The following COL4A3 variants were observed in gnomAD, a reference collection of about 807,000 sequenced individuals.
COL4A3 encodes collagen type IV alpha 3 chain, also known as collagen alpha-3(IV) chain.
A neutral mutation model predicts 217.4 loss-of-function variants in COL4A3; 135 were observed. The observed-to-expected ratio is 0.62, with a 90% confidence interval of 0.54 to 0.72. COL4A3 has a LOEUF of 0.72. COL4A3 is among the 30% of genes least tolerant of loss of function. The pLI, the probability that COL4A3 is intolerant of heterozygous loss-of-function variation, is 0.00. For missense variants in COL4A3, 1,868 were observed against 2,119.9 expected, an observed-to-expected ratio of 0.88 and a Z score of 2.33; for synonymous variants, 690 against 736.3, an observed-to-expected ratio of 0.94 and a Z score of 1.02.
chr2:227,273,971 T>C (rs929655997), intron 26 of COL4A3, among the ~76,000 whole-genome samples: 4 of 152,110 alleles, frequency 2.6e-5, no homozygotes, highest in African/African-American at 9.7e-5. Flanking sequence ...GCACAGTGAC[T>C]CACACCTGTA....
chr2:227,258,340 T>G (rs761679508), intron 18 of COL4A3, among the ~76,000 whole-genome samples: 8 of 152,134 alleles, frequency 5.3e-5, no homozygotes, highest in Admixed American at 3.9e-4. Context: ...AAAATGCAGT[T>G]CTCAGACCCC....
At chr2:227,179,240 C>T (rs531097028) in intron 1 of COL4A3, among the ~76,000 whole-genome samples, 7 of 152,260 alleles carry the variant, frequency 4.6e-5, no homozygotes, top group East Asian at 3.9e-4. Context: ...CATGAGACAT[C>T]GTGCCTGGCC....
intron 1 of COL4A3, among the ~76,000 whole-genome samples, chr2:227,207,669 A>G (rs1269922825): frequency 2.6e-5 from 4 of 152,182 alleles, no homozygotes; most frequent in Non-Finnish European, 5.9e-5. Context: ...TCTACCGGGC[A>G]TTGGAGCTGG....
At chr2:227,295,853 T>G (rs1344659515) in intron 41 of COL4A3, among the ~76,000 whole-genome samples, 2 of 152,214 alleles carry the variant, frequency 1.3e-5, no homozygotes, top group Non-Finnish European at 2.9e-5. Flanking sequence ...AGTTTTTTGT[T>G]TGGCAGGCCA....
At position 227,270,816 on chromosome 2, in the gene COL4A3, G is replaced by C. The variant is rs1288801444; in HGVS notation, c.1622G>C (p.Gly541Ala). 3 of 1,614,054 alleles carry C rather than the reference G, an allele frequency of 1.9e-6. No individual in the cohort carries two copies. The Admixed American group carries it at 5.0e-5, about 27-fold the overall frequency. ...QGDPGLKGEK[G>A]ETLQPEGQVG... Reference sequence around the variant, plus strand: ...GACCCAGGACTTAAAGGAGAAAAAGGTGAAACACTTCAGCCTGAGGGGCAA... The same window carrying C: ...GACCCAGGACTTAAAGGAGAAAAAGCTGAAACACTTCAGCCTGAGGGGCAA... Residue 541 changes from glycine to alanine, a missense_variant, in exon 25 of 52, where the codon GGT (glycine) becomes GCT (alanine). Gly to Ala is a moderately conservative substitution (Grantham distance 60). This residue lies in a region of COL4A3 where 1,503 missense variants were observed against 1,786.1 expected (regional missense o/e 0.84). Transcript: ENST00000396578.
intron 1 of COL4A3, among the ~76,000 whole-genome samples, chr2:227,194,188 A>G (rs1367148572): frequency 2.0e-5 from 3 of 152,336 alleles, no homozygotes; most frequent in Non-Finnish European, 1.5e-5. Flanking sequence ...CATCCCAATA[A>G]GAAACCCACG....
chr2:227,209,111 A>G (rs932758401), intron 1 of COL4A3, among the ~76,000 whole-genome samples: 3 of 152,214 alleles, frequency 2.0e-5, no homozygotes, highest in African/African-American at 7.2e-5. Flanking sequence ...ATGACTTGAG[A>G]AAAAGTGGCT....
At chr2:227,240,718 C>T (rs988537474) in intron 3 of COL4A3, among the ~76,000 whole-genome samples, 1 of 152,174 alleles carries the variant, frequency 6.6e-6, no homozygotes, top group African/African-American at 2.4e-5. Flanking sequence ...TCTTTTAGGT[C>T]TTGTGACCAA....
Position 227,185,548 on chromosome 2 carries a change from A to G in COL4A3, c.87+20735A>G, listed in dbSNP as rs553617775. On this transcript the variant is annotated intron_variant, in intron 1 of 51. Coordinates refer to ENST00000396578, the MANE Select transcript of COL4A3 (RefSeq NM_000091.5). ...ACTGTAGGTTTAAGATAGTGTGTTC[A>G]TCTTCATATATAAAGAGAATATCTA... Among the ~76,000 whole-genome samples, 13 of 152,350 alleles carry G rather than the reference A, an allele frequency of 8.5e-5. No homozygotes were observed. In the East Asian group the frequency reaches 2.5e-3, roughly 29 times the overall value.
At chr2:227,193,935 TAAGGAGAG>T (rs2066362039) in intron 1 of COL4A3, among the ~76,000 whole-genome samples, 1 of 3,308 alleles carries the variant, frequency 3.0e-4, no homozygotes, top group African/African-American at 1.7e-3. Context: ...AGAAGGGAAA[TAAGGAGAG>T]AGGGAGGGAG....
intron 1 of COL4A3, among the ~76,000 whole-genome samples, chr2:227,235,662 C>T (rs1233996013): frequency 6.6e-6 from 1 of 152,082 alleles, no homozygotes; most frequent in African/African-American, 2.4e-5. Context: ...GCTTAGTTCC[C>T]ACTGCTAAGT....
intron 1 of COL4A3, among the ~76,000 whole-genome samples, chr2:227,195,854 G>A (rs2066453920): frequency 6.6e-6 from 1 of 151,756 alleles, no homozygotes; most frequent in South Asian, 2.1e-4. Flanking sequence ...TAGTATTGAT[G>A]ATCCCGACCG....
intron 43 of COL4A3, among the ~76,000 whole-genome samples, chr2:227,299,531 T>C (rs2106254803): frequency 6.6e-6 from 1 of 152,308 alleles, no homozygotes; most frequent in Admixed American, 6.5e-5. Flanking sequence ...TTATAGGAAC[T>C]ACAATTCAAG....
intron 11 of COL4A3, 96 bp downstream of exon 11, chr2:227,251,467 C>T (rs1559867271): frequency 8.7e-7 from 1 of 1,152,752 alleles, no homozygotes; most frequent in African/African-American, 1.5e-5. Flanking sequence ...CTGTTAGGCA[C>T]CTCTCTGGAA....
rs2072647561 is a variant in COL4A3 at position 227,290,792 on chromosome 2, G to A, written c.3116G>A (p.Gly1039Glu). The A allele has an allele frequency of 6.2e-7, 1 of 1,613,660 alleles. No individual in the cohort carries two copies. The highest frequency in any genetic ancestry group is 8.5e-7 in the Non-Finnish European group (1 of 1,179,930). Residue 1039 changes from glycine to glutamate, a missense_variant, in exon 37 of 52, where the codon GGA (glycine) becomes GAA (glutamate). Gly to Glu is a moderately conservative substitution (Grantham distance 98, BLOSUM62 -2). Around this residue, in one of 2 missense-constraint regions of COL4A3, gnomAD observed 1,503 missense variants for 1,786.1 expected, o/e 0.84. Transcript: ENST00000396578. ...RGTLGFPGRA[G>E]RPGLPGIHGL... ...ACTTTGGGATTCCCAGGTCGAGCAG[G>A]AAGACCAGGCCTCCCAGGTATTCAT...
chr2:227,276,310 T>A, intron 26 of COL4A3, 75 bp from the exon 27 acceptor site: 1 of 1,092,338 alleles, frequency 9.2e-7, no homozygotes, highest in Non-Finnish European at 1.4e-6. Flanking sequence ...AAACCCTTTA[T>A]AATCGTATTT....
At chr2:227,238,548 A>C (rs953126252) in intron 2 of COL4A3, among the ~76,000 whole-genome samples, 3 of 152,220 alleles carry the variant, frequency 2.0e-5, no homozygotes, top group Non-Finnish European at 4.4e-5. Context: ...GAATGCCGTG[A>C]AATCTCATTA....
At chr2:227,175,329 G>A (rs1049430278) in intron 1 of COL4A3, among the ~76,000 whole-genome samples, 8 of 152,010 alleles carry the variant, frequency 5.3e-5, no homozygotes, top group African/African-American at 1.7e-4. Context: ...AAATTAGCCG[G>A]GCATGGCAGC....
At position 227,304,032 on chromosome 2, in the gene COL4A3, C is replaced by T; in HGVS notation, c.4041C>T (p.Asp1347=). Residue 1347 remains aspartate (D), a synonymous_variant, in exon 46 of 52, where the codon GAC becomes GAT. Coordinates refer to ENST00000396578, the MANE Select transcript of COL4A3 (RefSeq NM_000091.5). Reference sequence around the variant, plus strand: ...TTATGTCAACAGGTGTACGTGGAGACCCTGGCACACTTAAGATTATCTCCC... The same window carrying T: ...TTATGTCAACAGGTGTACGTGGAGATCCTGGCACACTTAAGATTATCTCCC... ...GPKGPPGVRG[D]PGTLKIISLP... 1 of 1,614,100 alleles carries T rather than the reference C, an allele frequency of 6.2e-7. No individual in the cohort carries two copies. The highest frequency in any genetic ancestry group is 1.3e-5 in the African/African-American group (1 of 75,026).
Sources: allele counts gnomAD v4.1 joint callset (sites outside exome capture counted in the v4.1 genomes callset), GRCh38; gene constraint gnomAD v4.1.1; regional missense constraint gnomAD v4.1.1; transcripts MANE v1.5; gene names NCBI Gene and HGNC (gene_info 2026-07-23, HGNC 2026-07-21).